The following NEGR1 variants were observed in gnomAD, a reference collection of about 807,000 sequenced individuals.
The protein encoded by NEGR1 is neuronal growth regulator 1, also known as IgLON family member 4.
NEGR1 carries 10 observed loss-of-function variants against 40.9 expected under a neutral mutation model. That is an observed-to-expected ratio of 0.24 (90% CI 0.15 to 0.42). NEGR1 has a LOEUF of 0.42. NEGR1 is among the 10% of genes least tolerant of loss of function. NEGR1 has a pLI of 1.00. For synonymous variants in NEGR1, 185 were observed against 166.8 expected, an observed-to-expected ratio of 1.11 and a Z score of -0.84; for missense variants, 352 against 438.9, an observed-to-expected ratio of 0.80 and a Z score of 1.77.
intron 1 of NEGR1, among the ~76,000 whole-genome samples, chr1:71,962,796 C>G (rs148594664): frequency 8.1e-5 from 12 of 147,620 alleles, no homozygotes; most frequent in Non-Finnish European, 1.5e-4. Context: ...GTAAGTATAT[C>G]TTTTGTTCTT....
At chr1:72,051,805 C>G (rs913737828) in intron 1 of NEGR1, among the ~76,000 whole-genome samples, 5 of 151,388 alleles carry the variant, frequency 3.3e-5, no homozygotes, top group African/African-American at 1.2e-4. Flanking sequence ...GAATTTTTGT[C>G]TACTGTCCCG....
chr1:71,824,534 C>G (rs377228976), intron 2 of NEGR1, among the ~76,000 whole-genome samples: 2 of 151,846 alleles, frequency 1.3e-5, no homozygotes, highest in South Asian at 2.1e-4. Context: ...TTTTTAACAT[C>G]TAAGTATAAT....
intron 1 of NEGR1, among the ~76,000 whole-genome samples, chr1:71,975,805 T>C (rs1646297750): frequency 1.3e-5 from 2 of 152,228 alleles, no homozygotes; most frequent in Admixed American, 6.5e-5. Flanking sequence ...ATAAAATAGA[T>C]AATCTCCGAG....
At chr1:71,409,107 T>A (rs1422893369) in intron 6 of NEGR1, 2 of 151,972 alleles carry the variant, frequency 1.3e-5, no homozygotes, top group African/African-American at 2.4e-5. Context: ...ATGAGTTTTT[T>A]AAAAAATAAA....
At chr1:71,452,857 CAAT>C (rs1646639148) in intron 6 of NEGR1, among the ~76,000 whole-genome samples, 1 of 150,846 alleles carries the variant, frequency 6.6e-6, no homozygotes, top group Non-Finnish European at 1.5e-5. Flanking sequence ...CCTCCAACAA[CAAT>C]GTAACATGTC....
At chr1:71,594,982 C>T (rs1032333760) in intron 5 of NEGR1, among the ~76,000 whole-genome samples, 1 of 152,178 alleles carries the variant, frequency 6.6e-6, no homozygotes, top group African/African-American at 2.4e-5. Context: ...ACTGGCTAGA[C>T]CCAGGGGAAA....
At chr1:71,837,339 G>A (rs1017716418) in intron 2 of NEGR1, among the ~76,000 whole-genome samples, 6 of 152,002 alleles carry the variant, frequency 3.9e-5, no homozygotes, top group African/African-American at 1.4e-4. Context: ...TTGCATATAG[G>A]AGAGGTTCAA....
At position 72,064,691 on chromosome 1, in the gene NEGR1, T is replaced by C. The variant is rs118043299; in HGVS notation, c.177-129380A>G. Among the ~76,000 whole-genome samples the C allele has an allele frequency of 3.7e-4, 57 of 152,192 alleles. No homozygotes were observed. The East Asian group carries it at 0.011, about 28-fold the overall frequency. On this transcript the variant is annotated intron_variant, in intron 1 of 6. Coordinates refer to ENST00000357731, the MANE Select transcript of NEGR1 (RefSeq NM_173808.3). ...AAATGTACACTGCAACCATTAATCA[T>C]CTAGAATGAGAATCATTATTATTAT...
At chr1:71,441,017 G>C (rs1212401565) in intron 6 of NEGR1, among the ~76,000 whole-genome samples, 1 of 152,196 alleles carries the variant, frequency 6.6e-6, no homozygotes, top group Non-Finnish European at 1.5e-5. Flanking sequence ...TGCTCACACT[G>C]TGCAGAAATG....
intron 3 of NEGR1, among the ~76,000 whole-genome samples, chr1:71,731,072 T>A (rs1654850860): frequency 6.6e-6 from 1 of 152,122 alleles, no homozygotes; most frequent in Non-Finnish European, 1.5e-5. Flanking sequence ...GAATAGAAAC[T>A]TGTGGGATTT....
At chr1:72,146,932 T>C (rs11587895) in intron 1 of NEGR1, among the ~76,000 whole-genome samples, 33,747 of 152,084 alleles carry the variant, frequency 0.22, 4,379 homozygotes, top group Non-Finnish European at 0.29. Flanking sequence ...TCCTACTATG[T>C]CTTGATGTAC....
rs78459540 is a variant in NEGR1 at position 71,502,880 on chromosome 1, G to A, written c.940+89937C>T. ...TCCCAATCCATGGTTCAGTTCTCCC[G>A]CAAGGGAAATGGCCAGAGACAGAGG... On this transcript the variant is annotated intron_variant, in intron 6 of 6. Coordinates refer to ENST00000357731, the MANE Select transcript of NEGR1 (RefSeq NM_173808.3). Among the ~76,000 whole-genome samples, 25 of 152,270 alleles carry A rather than the reference G, an allele frequency of 1.6e-4. No individual in the cohort carries two copies. In the East Asian group the frequency reaches 4.1e-3, roughly 25 times the overall value.
intron 1 of NEGR1, among the ~76,000 whole-genome samples, chr1:72,040,056 A>G (rs1398927875): frequency 1.3e-5 from 2 of 152,010 alleles, no homozygotes; most frequent in African/African-American, 4.8e-5. Flanking sequence ...GACATATACA[A>G]AACCTTCAAT....
intron 1 of NEGR1, among the ~76,000 whole-genome samples, chr1:71,956,702 T>G (rs12137812): frequency 0.1 from 15,268 of 152,098 alleles, 1,100 homozygotes; most frequent in Admixed American, 0.22. Flanking sequence ...TTCTGTGAAT[T>G]TTAATGGACA....
At chr1:72,255,101 A>G (rs1655222463) in intron 1 of NEGR1, among the ~76,000 whole-genome samples, 1 of 152,180 alleles carries the variant, frequency 6.6e-6, no homozygotes, top group South Asian at 2.1e-4. Flanking sequence ...ATGGTTCATC[A>G]CTATTAGCAT....
chr1:71,443,811 G>A (rs1646563619), intron 6 of NEGR1, among the ~76,000 whole-genome samples: 1 of 152,142 alleles, frequency 6.6e-6, no homozygotes, highest in South Asian at 2.1e-4. Context: ...GATTTTTACA[G>A]TTTATGGAAC....
chr1:71,950,494 T>C (rs1206902610), intron 1 of NEGR1, among the ~76,000 whole-genome samples: 1 of 152,064 alleles, frequency 6.6e-6, no homozygotes, highest in Admixed American at 6.6e-5. Context: ...ACTGTTTCAT[T>C]CTTGAACCGA....
intron 1 of NEGR1, among the ~76,000 whole-genome samples, chr1:72,072,045 C>G (rs187438782): frequency 1.4e-3 from 213 of 152,224 alleles, no homozygotes; most frequent in South Asian, 3.3e-3. Context: ...TATATGTTTT[C>G]TAGCCTCTCT....
chr1:72,098,623 T>TA (rs1648804683), intron 1 of NEGR1, among the ~76,000 whole-genome samples: 1 of 152,154 alleles, frequency 6.6e-6, no homozygotes, highest in Non-Finnish European at 1.5e-5. Context: ...CCACAGACAG[T>TA]AAAATCTCTA....
Sources: allele counts gnomAD v4.1 joint callset (sites outside exome capture counted in the v4.1 genomes callset), GRCh38; gene constraint gnomAD v4.1.1; transcripts MANE v1.5; gene names NCBI Gene and HGNC (gene_info 2026-07-23, HGNC 2026-07-21).